RANBP10: variants seen among roughly 807,000 people sequenced by gnomAD.
The protein encoded by RANBP10 is RAN binding protein 10.
In RANBP10, 24 loss-of-function variants were observed where a neutral mutation model predicts 72.8. The observed-to-expected ratio is 0.33, with a 90% confidence interval of 0.24 to 0.46. RANBP10 has a LOEUF of 0.46. Ranked by LOEUF, RANBP10 falls within the 20% of genes least tolerant of loss-of-function variation. The pLI is 1.00. For missense variants in RANBP10, 679 were observed against 817.5 expected (o/e 0.83, Z 2.07); for synonymous variants, 310 against 322.3 (o/e 0.96, Z 0.41).
intron 3 of RANBP10, among the ~76,000 whole-genome samples, chr16:67,749,003 G>A (rs2054144509): frequency 6.6e-6 from 1 of 152,184 alleles, no homozygotes; most frequent in Admixed American, 6.5e-5. Flanking sequence ...CTGAGTAGAG[G>A]ATCTGAGTAG....
chr16:67,727,165 G>A (rs1391824311), intron 13 of RANBP10, among the ~76,000 whole-genome samples, 162 bp downstream of exon 13: 2 of 152,204 alleles, frequency 1.3e-5, no homozygotes, highest in Non-Finnish European at 2.9e-5. Context: ...GTGGTGGCAC[G>A]CACCTTAGTC....
At chr16:67,738,886 A>C (rs2053911589) in intron 4 of RANBP10, 1 of 152,212 alleles carries the variant, frequency 6.6e-6, no homozygotes, top group Non-Finnish European at 1.5e-5. Flanking sequence ...CTAAATCCAA[A>C]AGATCTATCC....
chr16:67,785,232 AAAAG>A (rs200090441), intron 2 of RANBP10, among the ~76,000 whole-genome samples: 2,350 of 152,012 alleles, frequency 0.015, 34 homozygotes, highest in Middle Eastern at 0.11. Context: ...AAATAAATAA[AAAAG>A]AAAGAAAGAA....
At chr16:67,773,687 A>G (rs1363855262) in intron 2 of RANBP10, among the ~76,000 whole-genome samples, 1 of 152,212 alleles carries the variant, frequency 6.6e-6, no homozygotes, top group Non-Finnish European at 1.5e-5. Flanking sequence ...CGTGGCCCAC[A>G]TGGCTTAGGG....
chr16:67,737,190 T>TTG (rs2053866325), intron 5 of RANBP10, among the ~76,000 whole-genome samples: 19 of 146,750 alleles, frequency 1.3e-4, no homozygotes, highest in South Asian at 4.3e-4. Context: ...CTCCATCCTT[T>TTG]TCTTTTTTTT....
intron 3 of RANBP10, among the ~76,000 whole-genome samples, chr16:67,746,213 G>A (rs1322126624): frequency 6.6e-6 from 1 of 151,830 alleles, no homozygotes; most frequent in Non-Finnish European, 1.5e-5. Flanking sequence ...TGGGCATGGT[G>A]GCTCGCACCT....
At chr16:67,777,197 C>T (rs1053013728) in intron 2 of RANBP10, among the ~76,000 whole-genome samples, 2 of 147,264 alleles carry the variant, frequency 1.4e-5, no homozygotes, top group Non-Finnish European at 3.0e-5. Flanking sequence ...GGTACAAGAG[C>T]GAAACTCCGT....
chr16:67,796,673 C>T (rs2055140544), intron 2 of RANBP10, among the ~76,000 whole-genome samples: 1 of 152,096 alleles, frequency 6.6e-6, no homozygotes. Flanking sequence ...CACTTGCCAC[C>T]CCTGACCTAA....
intron 2 of RANBP10, among the ~76,000 whole-genome samples, chr16:67,787,634 A>C (rs2054939992): frequency 6.6e-6 from 1 of 152,214 alleles, no homozygotes; most frequent in South Asian, 2.1e-4. Context: ...CTAAGCGTCC[A>C]TCAACAGAAG....
At chr16:67,802,005 G>C (rs972967678) in intron 2 of RANBP10, among the ~76,000 whole-genome samples, 3 of 151,762 alleles carry the variant, frequency 2.0e-5, no homozygotes, top group Non-Finnish European at 4.4e-5. Context: ...TGAGGTGGGA[G>C]GATTGACTGA....
At position 67,771,914 on chromosome 16, in the gene RANBP10, A is replaced by G. The variant is rs932958685; in HGVS notation, c.400+120T>C. The G allele has an allele frequency of 5.5e-5, 63 of 1,154,648 alleles. 1 individual carries two copies. The Admixed American group carries it at 7.8e-4, about 14-fold the overall frequency. 71.5% of individuals were successfully genotyped at this position (1,154,648 alleles called of 1,614,324 possible). ...CTTTCAGGATCCTCCAACCAGTAGCATGGCTTGAGGTAGGCAGCTAGCAAA... is the reference window on the plus strand; with the variant it reads ...CTTTCAGGATCCTCCAACCAGTAGCGTGGCTTGAGGTAGGCAGCTAGCAAA... On this transcript the variant is annotated intron_variant, in intron 3 of 13. Transcript: ENST00000317506.
At chr16:67,773,304 C>T (rs2054640738) in intron 2 of RANBP10, among the ~76,000 whole-genome samples, 1 of 152,202 alleles carries the variant, frequency 6.6e-6, no homozygotes, top group South Asian at 2.1e-4. Flanking sequence ...TAGTCAACAT[C>T]CACTATGACT....
chr16:67,788,130 C>A (rs1252850893), intron 2 of RANBP10, among the ~76,000 whole-genome samples: 2 of 151,792 alleles, frequency 1.3e-5, no homozygotes, highest in African/African-American at 4.8e-5. Context: ...AGCCTGTAGT[C>A]CTGAGCTCAA....
intron 2 of RANBP10, among the ~76,000 whole-genome samples, chr16:67,781,614 C>G (rs1400581870): frequency 6.6e-6 from 1 of 152,144 alleles, no homozygotes; most frequent in African/African-American, 2.4e-5. Context: ...GAAGAAATAT[C>G]ATGCCAGAGA....
intron 2 of RANBP10, among the ~76,000 whole-genome samples, chr16:67,796,435 T>A (rs9940402): frequency 0.069 from 10,484 of 152,166 alleles, 511 homozygotes; most frequent in Middle Eastern, 0.19. Flanking sequence ...AGAAATAAGC[T>A]GAGCCCTCAA....
At chr16:67,779,193 G>C (rs960354067) in intron 2 of RANBP10, among the ~76,000 whole-genome samples, 1 of 152,110 alleles carries the variant, frequency 6.6e-6, no homozygotes. Context: ...CCAGGAGTTC[G>C]AGATCAGCCT....
intron 2 of RANBP10, among the ~76,000 whole-genome samples, chr16:67,792,297 G>A (rs1321696964): frequency 6.6e-6 from 1 of 152,042 alleles, no homozygotes; most frequent in Admixed American, 6.6e-5. Flanking sequence ...GCTCACGCCT[G>A]TAATCCCAGC....
rs190426426 is a variant in RANBP10 at position 67,747,693 on chromosome 16, C to T, written c.401-3238G>A. Among the ~76,000 whole-genome samples the T allele has an allele frequency of 4.6e-5, 7 of 151,846 alleles. No individual in the cohort carries two copies. In the South Asian group the frequency reaches 6.3e-4, roughly 14 times the overall value. On this transcript the variant is annotated intron_variant, in intron 3 of 13. Coordinates refer to ENST00000317506, the MANE Select transcript of RANBP10 (RefSeq NM_020850.3). Reference sequence around the variant, plus strand: ...CTAATTTTTGTATTTTTAGCAGAGTCGGGGTTTCACCATGTTGGCCAGGCT... The same window carrying T: ...CTAATTTTTGTATTTTTAGCAGAGTTGGGGTTTCACCATGTTGGCCAGGCT...
intron 2 of RANBP10, among the ~76,000 whole-genome samples, chr16:67,801,423 C>T (rs755321777): frequency 6.6e-6 from 1 of 152,068 alleles, no homozygotes; most frequent in Non-Finnish European, 1.5e-5. Flanking sequence ...TAGGATCAGG[C>T]GAGGACATCT....
Sources: gnomAD v4.1 joint callset for allele counts (sites outside exome capture counted in the v4.1 genomes callset) on GRCh38, gnomAD v4.1.1 for gene constraint, MANE v1.5 for transcripts, NCBI Gene and HGNC (gene_info 2026-07-23, HGNC 2026-07-21) for gene names.